The following TBC1D1 variants were observed in gnomAD, a reference collection of about 807,000 sequenced individuals.
TBC1D1 encodes TBC1 (tre-2/USP6, BUB2, cdc16) domain family, member 1.
In TBC1D1, 89 loss-of-function variants were observed where a neutral mutation model predicts 125.6. The observed-to-expected ratio is 0.71, with a 90% CI of 0.60 to 0.85. The LOEUF (loss-of-function observed/expected upper bound fraction) is 0.85. Among genes scored for constraint, TBC1D1 ranks in the 40% least tolerant of loss-of-function variants. The pLI is 0.00. For missense variants in TBC1D1, 1,377 were observed against 1,469.2 expected (o/e 0.94, Z 1.03); for synonymous variants, 565 against 564.1 (o/e 1.00, Z -0.02).
At chr4:37,959,107 G>C (rs891553480) in intron 2 of TBC1D1, among the ~76,000 whole-genome samples, 1 of 152,132 alleles carries the variant, frequency 6.6e-6, no homozygotes, top group Admixed American at 6.5e-5. Context: ...ATGGCCCTTT[G>C]TATTTGAGGT....
rs1257478788 is a variant in TBC1D1 at position 37,895,792 on chromosome 4, A to G, written c.-94+4444A>G. Among the ~76,000 whole-genome samples the G allele has an allele frequency of 2.0e-5, 3 of 152,208 alleles. No individual in the cohort carries two copies. In the East Asian group the frequency reaches 5.8e-4, roughly 29 times the overall value. ...AATTAGAAAGGCACACCCCAGTACT[A>G]AAGCATCCTTGATGATGAAAACATT... On this transcript the variant is annotated intron_variant, in intron 1 of 19. Transcript: ENST00000261439.
At chr4:38,032,275 T>G (rs1019270949) in intron 7 of TBC1D1, among the ~76,000 whole-genome samples, 2 of 152,164 alleles carry the variant, frequency 1.3e-5, no homozygotes, top group Non-Finnish European at 2.9e-5. Flanking sequence ...GCCAGGATTG[T>G]GCCACTGCAC....
intron 18 of TBC1D1, among the ~76,000 whole-genome samples, chr4:38,127,482 T>C (rs1380600055): frequency 6.6e-6 from 1 of 150,888 alleles, no homozygotes; most frequent in African/African-American, 2.4e-5. Flanking sequence ...CCTTCTGGGC[T>C]CAAGCATTCT....
At chr4:38,015,089 T>C in intron 3 of TBC1D1, 116 bp downstream of exon 3, 1 of 856,276 alleles carries the variant, frequency 1.2e-6, no homozygotes, top group Non-Finnish European at 1.8e-6. Flanking sequence ...TGTGAATCCA[T>C]ATATTTTCAT....
intron 2 of TBC1D1, among the ~76,000 whole-genome samples, chr4:38,012,507 T>C (rs996074703): frequency 6.6e-6 from 1 of 152,178 alleles, no homozygotes; most frequent in African/African-American, 2.4e-5. Flanking sequence ...GCTCCTGAGC[T>C]CAAGCAATCC....
At chr4:38,112,125 G>A (rs1363380047) in intron 15 of TBC1D1, 1 of 970,130 alleles carries the variant, frequency 1.0e-6, no homozygotes, top group Non-Finnish European at 1.2e-6. Flanking sequence ...ATTTGAAAGT[G>A]TGGGGTGTAC....
chr4:38,001,104 C>T (rs898082204), intron 2 of TBC1D1, among the ~76,000 whole-genome samples: 1 of 152,084 alleles, frequency 6.6e-6, no homozygotes, highest in Non-Finnish European at 1.5e-5. Flanking sequence ...CCTGTAGTCC[C>T]AGCTAATCGG....
intron 2 of TBC1D1, among the ~76,000 whole-genome samples, chr4:37,903,937 C>T (rs537917927): frequency 6.6e-6 from 1 of 152,310 alleles, no homozygotes; most frequent in Non-Finnish European, 1.5e-5. Flanking sequence ...GAATCAAACT[C>T]TCATATTATA....
intron 2 of TBC1D1, among the ~76,000 whole-genome samples, chr4:37,973,484 C>G (rs747159410): frequency 6.6e-6 from 1 of 152,128 alleles, no homozygotes; most frequent in Non-Finnish European, 1.5e-5. Flanking sequence ...GAAAATTTAT[C>G]TTAGTCATAG....
intron 14 of TBC1D1, 100 bp from the exon 17 acceptor site, chr4:38,102,899 A>C: frequency 1.5e-6 from 2 of 1,370,984 alleles, no homozygotes; most frequent in Non-Finnish European, 2.0e-6. Context: ...AAAAAAAGGA[A>C]CAAGAATTTG....
intron 2 of TBC1D1, among the ~76,000 whole-genome samples, chr4:37,983,198 C>T (rs891887971): frequency 6.6e-6 from 1 of 150,810 alleles, no homozygotes; most frequent in Non-Finnish European, 1.5e-5. Context: ...TCTCGGCTCC[C>T]TCCACCTCCC....
intron 2 of TBC1D1, among the ~76,000 whole-genome samples, chr4:37,981,560 A>G (rs1347701123): frequency 1.3e-5 from 2 of 152,088 alleles, no homozygotes; most frequent in East Asian, 3.9e-4. Context: ...CGAGGAAGAG[A>G]AGTAAGTGGC....
intron 11 of TBC1D1, chr4:38,052,043 G>A (rs1445105900): frequency 1.9e-6 from 3 of 1,551,094 alleles, no homozygotes; most frequent in Middle Eastern, 3.3e-4. Flanking sequence ...AACAAAGTGG[G>A]AATGCTGTGC....
In TBC1D1 at chr4:38,135,986, C is replaced by G. The variant is rs540078583; in HGVS notation, c.3307-1149C>G. 2.0e-5 allele frequency among the ~76,000 whole-genome samples: 3 copies of G among 149,314 alleles called. No homozygotes were observed. In the South Asian group the frequency reaches 6.3e-4, roughly 32 times the overall value. On this transcript the variant is annotated intron_variant, in intron 19 of 19. Coordinates refer to ENST00000261439, the MANE Select transcript of TBC1D1 (RefSeq NM_015173.4). Reference sequence around the variant, plus strand: ...TGTATATATATACCATTTTTCCCACCTAAAATGGAGCATGGCAAATCTGGA... The same window carrying G: ...TGTATATATATACCATTTTTCCCACGTAAAATGGAGCATGGCAAATCTGGA...
At chr4:38,020,783 G>A in intron 5 of TBC1D1, 88 bp downstream of exon 5, 2 of 1,064,698 alleles carry the variant, frequency 1.9e-6, no homozygotes, top group East Asian at 5.0e-5. Flanking sequence ...GGGAAAACCA[G>A]ATGGTCATTG....
chr4:37,942,135 C>T (rs1725692994), intron 2 of TBC1D1, among the ~76,000 whole-genome samples: 2 of 152,128 alleles, frequency 1.3e-5, no homozygotes, highest in Admixed American at 1.3e-4. Context: ...GTTAAAGTCT[C>T]CCATTATTAT....
chr4:38,004,040 G>A (rs560259385), intron 2 of TBC1D1, among the ~76,000 whole-genome samples: 1 of 152,272 alleles, frequency 6.6e-6, no homozygotes, highest in Admixed American at 6.5e-5. Flanking sequence ...TAGTAGAAGA[G>A]GAGTCGAGGT....
At chr4:38,072,834 T>C (rs1754933593) in intron 12 of TBC1D1, among the ~76,000 whole-genome samples, 1 of 152,234 alleles carries the variant, frequency 6.6e-6, no homozygotes, top group African/African-American at 2.4e-5. Flanking sequence ...GTTTGACTAC[T>C]GTAGATAACT....
At chr4:38,128,533 G>T (rs144042381) in intron 18 of TBC1D1, among the ~76,000 whole-genome samples, 41 of 152,296 alleles carry the variant, frequency 2.7e-4, no homozygotes, top group Admixed American at 1.4e-3. Context: ...GGAAGTGAGG[G>T]CATCTGGGTG....
Sources: gnomAD v4.1 joint callset for allele counts (sites outside exome capture counted in the v4.1 genomes callset) on GRCh38, gnomAD v4.1.1 for gene constraint, MANE v1.5 for transcripts, NCBI Gene and HGNC (gene_info 2026-07-23, HGNC 2026-07-21) for gene names.